The following SIPA1L2 variants were observed in gnomAD, a reference collection of about 807,000 sequenced individuals.
SIPA1L2 encodes signal induced proliferation associated 1 like 2.
In SIPA1L2, 56 loss-of-function variants were observed where a neutral mutation model predicts 163.9. The observed-to-expected ratio is 0.34, with a 90% confidence interval of 0.28 to 0.43. The LOEUF (loss-of-function observed/expected upper bound fraction) is 0.43, where lower values mean the gene tolerates loss of function less well. Among genes scored for constraint, SIPA1L2 ranks in the 20% least tolerant of loss-of-function variants. The probability of loss-of-function intolerance (pLI) is 1.00; values close to 1 mark genes in which losing one functional copy is unlikely to be tolerated. For missense variants in SIPA1L2, 1,974 were observed against 2,193.5 expected, an observed-to-expected ratio of 0.90 and a Z score of 2.00; for synonymous variants, 877 against 865.7, an observed-to-expected ratio of 1.01 and a Z score of -0.23.
intron 2 of SIPA1L2, among the ~76,000 whole-genome samples, chr1:232,563,207 C>T (rs1186583506): frequency 6.6e-6 from 1 of 152,110 alleles, no homozygotes; most frequent in Non-Finnish European, 1.5e-5. Context: ...AGGAATAATC[C>T]TACATACTCA....
chr1:232,458,704 TA>T (rs1259216418), intron 10 of SIPA1L2, among the ~76,000 whole-genome samples: 28 of 152,214 alleles, frequency 1.8e-4, no homozygotes, highest in African/African-American at 6.5e-4. Context: ...GTATTTCTAC[TA>T]AGGAAGACAG....
At position 232,602,133 on chromosome 1, in the gene SIPA1L2, G is replaced by A. The variant is rs185677598; in HGVS notation, c.-319+27736C>T. On this transcript the variant is annotated intron_variant, in intron 1 of 22. Coordinates refer to ENST00000674635, the MANE Select transcript of SIPA1L2 (RefSeq NM_020808.5). ...GTGCAGGCAAGACTGAAGACAAGGA[G>A]GTGGGCATTCCAAGCAACAAGAAGA... 1.4e-3 allele frequency among the ~76,000 whole-genome samples: 210 copies of A among 152,210 alleles called. 1 individual carries two copies. Among genetic ancestry groups the A allele is most frequent in the African/African-American group, 4.9e-3 (204 of 41,526 alleles).
chr1:232,597,645 G>A (rs891829089), intron 1 of SIPA1L2, among the ~76,000 whole-genome samples: 2 of 138,812 alleles, frequency 1.4e-5, no homozygotes, highest in African/African-American at 2.8e-5. Context: ...AGCCGAGTTT[G>A]CGCCACTGCA....
chr1:232,465,819 G>A lies in SIPA1L2; in HGVS notation c.2244-403C>T, dbSNP rs1664482745. Among the ~76,000 whole-genome samples, 1 of 151,698 alleles carries A rather than the reference G, an allele frequency of 6.6e-6. No individual in the cohort carries two copies. Among genetic ancestry groups the A allele is most frequent in the Admixed American group, 6.6e-5 (1 of 15,240 alleles). On this transcript the variant is annotated intron_variant, in intron 8 of 22. Coordinates refer to ENST00000674635, the MANE Select transcript of SIPA1L2 (RefSeq NM_020808.5). This position sits in a 1 kb window ranked among gnomAD's most constrained non-coding sequence, Gnocchi z 4.1. ...GGGTGGGCCCTAATCCAACTGACTG[G>A]TGTCCTTATAAGAGGAGAAAATTTG... is the stretch of plus-strand genomic sequence containing the variant.
intron 22 of SIPA1L2, 101 bp downstream of exon 22, chr1:232,402,291 G>C: frequency 1.0e-6 from 1 of 975,480 alleles, no homozygotes; most frequent in Non-Finnish European, 1.5e-6. Flanking sequence ...TTTTGTGTAA[G>C]GCAGTTTTCT....
At chr1:232,464,537 A>G (rs1664407772) in intron 9 of SIPA1L2, among the ~76,000 whole-genome samples, 1 of 152,194 alleles carries the variant, frequency 6.6e-6, no homozygotes, top group Admixed American at 6.5e-5. Context: ...CCATAAACAG[A>G]CATTCTACCC....
intron 2 of SIPA1L2, among the ~76,000 whole-genome samples, chr1:232,551,872 T>G (rs1408016722): frequency 6.6e-6 from 1 of 152,246 alleles, no homozygotes; most frequent in Non-Finnish European, 1.5e-5. Flanking sequence ...GAAGTCTCGC[T>G]CTTGTACCCC....
chr1:232,439,283 T>G lies in SIPA1L2; in HGVS notation c.3856A>C (p.Ser1286Arg). 1 of 1,614,106 alleles carries G rather than the reference T, an allele frequency of 6.2e-7. No homozygotes were observed. The highest frequency in any genetic ancestry group is 8.5e-7 in the Non-Finnish European group (1 of 1,180,020). The change falls in exon 15 of 23, where the codon AGC becomes CGC. Residue 1286 changes from serine (S) to arginine (R), a missense_variant. By Grantham distance (110) the Ser-to-Arg change is moderately radical (BLOSUM62 -1). Transcript: ENST00000674635. Reference protein sequence around the residue: ...TILGPVHLAGSRSLIHSRAEQ... With the variant: ...TILGPVHLAGRRSLIHSRAEQ... ...GCCCGGCTGTGGATCAGGGACCTGC[T>G]GCCTGCCAGGTGCACAGGGCCGAGG...
intron 1 of SIPA1L2, among the ~76,000 whole-genome samples, chr1:232,611,111 C>T (rs1163026529): frequency 6.6e-6 from 1 of 152,124 alleles, no homozygotes; most frequent in Non-Finnish European, 1.5e-5. Flanking sequence ...ATGGTTTTAT[C>T]AGGGGTTCCG....
At chr1:232,570,399 G>A (rs560965148) in intron 2 of SIPA1L2, among the ~76,000 whole-genome samples, 4 of 152,182 alleles carry the variant, frequency 2.6e-5, no homozygotes, top group East Asian at 3.9e-4. Context: ...CGTCTCCTCG[G>A]TTCTGACGCT....
chr1:232,584,297 T>C (rs1660537634), intron 1 of SIPA1L2, among the ~76,000 whole-genome samples: 1 of 152,190 alleles, frequency 6.6e-6, no homozygotes, highest in African/African-American at 2.4e-5. Context: ...CGATCTCTGC[T>C]CACTGCAACC....
chr1:232,559,069 G>A (rs192391614), intron 2 of SIPA1L2, among the ~76,000 whole-genome samples: 9 of 152,258 alleles, frequency 5.9e-5, no homozygotes, highest in African/African-American at 2.2e-4. Flanking sequence ...GTGGGTGGGT[G>A]ATCTCAATTA....
At chr1:232,611,509 A>G (rs4649277) in intron 1 of SIPA1L2, among the ~76,000 whole-genome samples, 72,125 of 152,016 alleles carry the variant, frequency 0.47, 17,222 homozygotes, top group Non-Finnish European at 0.5. Context: ...TCCAGGCTGA[A>G]GCGATCTCAA....
chr1:232,504,600 G>A (rs149545209), intron 3 of SIPA1L2, among the ~76,000 whole-genome samples: 1,609 of 152,008 alleles, frequency 0.011, 34 homozygotes, highest in African/African-American at 0.037. Context: ...CTTTGTTAGT[G>A]TTTCCTGGAT....
chr1:232,416,082 A>G lies in SIPA1L2; in HGVS notation c.4631-457T>C, dbSNP rs532778066. On this transcript the variant is annotated intron_variant, in intron 18 of 22. Transcript: ENST00000674635. ...CCTCCCAGAGTCAGTCAGTCAGAAC[A>G]CGGGCACCACTGTCCCTCCCAGAGT... Among the ~76,000 whole-genome samples the G allele has an allele frequency of 5.8e-4, 48 of 82,106 alleles. 1 individual carries two copies. The South Asian group carries it at 0.018, about 30-fold the overall frequency. 53.9% of individuals were successfully genotyped at this position (82,106 alleles called of 152,430 possible).
intron 1 of SIPA1L2, among the ~76,000 whole-genome samples, chr1:232,604,084 A>G (rs1270868232): frequency 6.6e-6 from 1 of 152,084 alleles, no homozygotes; most frequent in East Asian, 1.9e-4. Context: ...AAGCAGAAGG[A>G]TACAACGCAT....
intron 19 of SIPA1L2, among the ~76,000 whole-genome samples, chr1:232,406,752 T>C (rs891544992): frequency 6.6e-6 from 1 of 151,984 alleles, no homozygotes; most frequent in African/African-American, 2.4e-5. Context: ...GATCAACGCG[T>C]CATGTCTGTT....
intron 19 of SIPA1L2, among the ~76,000 whole-genome samples, chr1:232,409,231 G>C (rs887445917): frequency 1.3e-5 from 2 of 152,176 alleles, no homozygotes; most frequent in African/African-American, 4.8e-5. Flanking sequence ...AGTTAATTCA[G>C]GAAGCACCGT....
intron 2 of SIPA1L2, among the ~76,000 whole-genome samples, chr1:232,573,618 C>T (rs1659924253): frequency 6.6e-6 from 1 of 152,174 alleles, no homozygotes; most frequent in Admixed American, 6.5e-5. Context: ...TTTGTGCACA[C>T]ACATAAGTAA....
Sources: allele counts gnomAD v4.1 joint callset (sites outside exome capture counted in the v4.1 genomes callset), GRCh38; gene constraint gnomAD v4.1.1; non-coding constraint Gnocchi (gnomAD v3.1); transcripts MANE v1.5; gene names NCBI Gene and HGNC (gene_info 2026-07-23, HGNC 2026-07-21).